Variants in KCND3 observed in about 807,000 individuals in gnomAD.
KCND3 encodes the protein A-type voltage-gated potassium channel KCND3.
Under a neutral mutation model 51.1 loss-of-function variants are expected in KCND3, and 9 were observed. The observed-to-expected ratio is 0.18, with a 90% confidence interval of 0.11 to 0.31. KCND3 has a LOEUF of 0.31. Ranked by LOEUF, KCND3 falls within the 10% of genes least tolerant of loss-of-function variation. KCND3 has a pLI of 1.00. For synonymous variants in KCND3, 349 were observed against 368.0 expected (o/e 0.95, Z 0.59); for missense variants, 526 against 903.8 (o/e 0.58, Z 5.36).
intron 2 of KCND3, among the ~76,000 whole-genome samples, chr1:111,902,069 C>T (rs565915021): frequency 6.6e-6 from 1 of 152,294 alleles, no homozygotes; most frequent in African/African-American, 2.4e-5. Flanking sequence ...TCTCCCAGAG[C>T]CCCCTCCGGC....
chr1:111,875,337 T>C (rs1399348547), intron 2 of KCND3, among the ~76,000 whole-genome samples: 1 of 152,220 alleles, frequency 6.6e-6, no homozygotes, highest in African/African-American at 2.4e-5. Flanking sequence ...TTCTGGGACT[T>C]ACCGACTAGG....
Position 111,775,819 on chromosome 1 carries a change from A to AT in KCND3, c.*257_*258insA. 5 of 97,706 alleles carry AT rather than the reference A, an allele frequency of 5.1e-5. 1 individual carries two copies. Among genetic ancestry groups the AT allele is most frequent in the East Asian group, 3.1e-4 (1 of 3,202 alleles). 6.1% of individuals were successfully genotyped at this position (97,706 alleles called of 1,614,324 possible). ...GCCTATATCCCCCGGCCTATCCCCG[A>AT]CCCCCCCACCCTCCCTCCCTTCCTC... On this transcript the variant is annotated 3_prime_UTR_variant, in exon 8 of 8. Transcript: ENST00000302127.
intron 2 of KCND3, among the ~76,000 whole-genome samples, chr1:111,883,459 C>T (rs892137947): frequency 6.6e-6 from 1 of 152,212 alleles, no homozygotes; most frequent in East Asian, 1.9e-4. Flanking sequence ...CAGGGCTCAG[C>T]TCAAATGCCG....
At chr1:111,791,539 C>T (rs972784456) in intron 2 of KCND3, among the ~76,000 whole-genome samples, 1 of 152,218 alleles carries the variant, frequency 6.6e-6, no homozygotes, top group Admixed American at 6.5e-5. Flanking sequence ...CCCCGACTTT[C>T]CTGTCGCTTA....
intron 5 of KCND3, among the ~76,000 whole-genome samples, chr1:111,779,332 A>T (rs2101465972): frequency 6.6e-6 from 1 of 152,162 alleles, no homozygotes; most frequent in East Asian, 1.9e-4. Context: ...AAAAAAAAGG[A>T]GTCATCTAAC....
intron 2 of KCND3, among the ~76,000 whole-genome samples, chr1:111,913,022 T>A (rs1671036530): frequency 6.6e-6 from 1 of 152,202 alleles, no homozygotes; most frequent in Non-Finnish European, 1.5e-5. Context: ...TCATATTCAC[T>A]CACCCCTCAC....
chr1:111,835,986 A>G (rs893570193), intron 2 of KCND3, among the ~76,000 whole-genome samples: 1 of 152,080 alleles, frequency 6.6e-6, no homozygotes, highest in African/African-American at 2.4e-5. Flanking sequence ...GTGATCATCT[A>G]GTGTACCTGC....
chr1:111,951,715 A>G lies in KCND3; in HGVS notation c.1106+29906T>C, dbSNP rs78692548. 7.2e-5 allele frequency among the ~76,000 whole-genome samples: 11 copies of G among 152,328 alleles called. No homozygotes were observed. The East Asian group carries it at 2.1e-3, about 29-fold the overall frequency. Reference sequence around the variant, plus strand: ...CAGACAATAACCAAAAAGATACAAAATCATGCCAGGAAGGAATAAGCGCTA... The same window carrying G: ...CAGACAATAACCAAAAAGATACAAAGTCATGCCAGGAAGGAATAAGCGCTA... On this transcript the variant is annotated intron_variant, in intron 2 of 7. Coordinates refer to ENST00000302127, the MANE Select transcript of KCND3 (RefSeq NM_001378969.1).
At chr1:111,868,667 T>C (rs1394608059) in intron 2 of KCND3, among the ~76,000 whole-genome samples, 1 of 152,250 alleles carries the variant, frequency 6.6e-6, no homozygotes, top group Non-Finnish European at 1.5e-5. Flanking sequence ...AGATTTTATC[T>C]AAACTCCATA....
intron 6 of KCND3, 66 bp from the exon 7 acceptor site, chr1:111,777,339 C>G: frequency 6.6e-7 from 1 of 1,524,574 alleles, no homozygotes; most frequent in Non-Finnish European, 9.1e-7. Flanking sequence ...AGCCCCTATA[C>G]TCTGTATGGC....
intron 2 of KCND3, among the ~76,000 whole-genome samples, chr1:111,934,007 C>T (rs1672095450): frequency 6.6e-6 from 1 of 152,206 alleles, no homozygotes; most frequent in African/African-American, 2.4e-5. Flanking sequence ...AATGACAACT[C>T]CTGGACCCAT....
At chr1:111,963,856 C>T (rs944920284) in intron 2 of KCND3, among the ~76,000 whole-genome samples, 1 of 152,228 alleles carries the variant, frequency 6.6e-6, no homozygotes, top group Non-Finnish European at 1.5e-5. Flanking sequence ...ATCACCACAC[C>T]AGCATGCACA....
chr1:111,793,073 C>T (rs1292925933), intron 2 of KCND3, among the ~76,000 whole-genome samples: 1 of 151,680 alleles, frequency 6.6e-6, no homozygotes, highest in African/African-American at 2.4e-5. Context: ...CTATGTTGCC[C>T]AGGCTGGTCT....
intron 2 of KCND3, among the ~76,000 whole-genome samples, chr1:111,968,299 A>C (rs1287966816): frequency 2.0e-5 from 3 of 152,160 alleles, no homozygotes; most frequent in African/African-American, 7.2e-5. Flanking sequence ...CCTCAGGTAC[A>C]AAAATCTCAG....
At position 111,842,833 on chromosome 1, in the gene KCND3, A is replaced by G. The variant is rs566748475; in HGVS notation, c.1107-55727T>C. Among the ~76,000 whole-genome samples the G allele has an allele frequency of 5.3e-5, 8 of 152,306 alleles. 1 individual carries two copies. Among genetic ancestry groups the G allele is most frequent in the South Asian group, 4.2e-4 (2 of 4,816 alleles). On this transcript the variant is annotated intron_variant, in intron 2 of 7. Transcript: ENST00000302127. ...CCCAGGGATTCTTTTCAGAAAGGAG[A>G]AATCCCAGCTCTCCCCACCTCTTCT...
chr1:111,930,138 A>T (rs1375733085), intron 2 of KCND3, among the ~76,000 whole-genome samples: 3 of 152,000 alleles, frequency 2.0e-5, no homozygotes, highest in African/African-American at 7.2e-5. Flanking sequence ...GATTTGATGC[A>T]ATTCACTGTT....
chr1:111,910,118 G>A (rs961435824), intron 2 of KCND3: 5 of 152,096 alleles, frequency 3.3e-5, no homozygotes, highest in Non-Finnish European at 5.9e-5. Context: ...TCTTTCTCGC[G>A]CTAGGTGGGA....
chr1:111,821,276 G>A (rs554574598), intron 2 of KCND3, among the ~76,000 whole-genome samples: 1 of 152,306 alleles, frequency 6.6e-6, no homozygotes, highest in South Asian at 2.1e-4. Context: ...AAGGCCCAGC[G>A]AGGTCATTTA....
At chr1:111,827,222 G>A (rs951044797) in intron 2 of KCND3, among the ~76,000 whole-genome samples, 4 of 152,230 alleles carry the variant, frequency 2.6e-5, no homozygotes, top group African/African-American at 9.6e-5. Flanking sequence ...ATGTTGCTAT[G>A]AGAACAGATG....
Sources: allele counts gnomAD v4.1 joint callset (sites outside exome capture counted in the v4.1 genomes callset), GRCh38; gene constraint gnomAD v4.1.1; transcripts MANE v1.5; gene names NCBI Gene and HGNC (gene_info 2026-07-23, HGNC 2026-07-21).